PIK3C2G: variants seen among roughly 807,000 people sequenced by gnomAD.
PIK3C2G encodes phosphatidylinositol 3-kinase C2 domain-containing subunit gamma.
In PIK3C2G, 168 loss-of-function variants were observed where a neutral mutation model predicts 181.1. The ratio of observed to expected loss-of-function variants is 0.93; its 90% confidence interval spans 0.82 to 1.05. The LOEUF is 1.05. Ranked by LOEUF, PIK3C2G falls within the 50% of genes least tolerant of loss-of-function variation. The pLI is 0.00. For synonymous variants in PIK3C2G, 573 were observed against 592.2 expected (o/e 0.97, Z 0.47); for missense variants, 1,869 against 1,732.8 (o/e 1.08, Z -1.40).
chr12:18,455,935 A>G (rs912939320), intron 18 of PIK3C2G, among the ~76,000 whole-genome samples: 45 of 152,220 alleles, frequency 3.0e-4, no homozygotes, highest in African/African-American at 9.9e-4. Flanking sequence ...GCCTCCACTC[A>G]TAATCTGTCA....
intron 18 of PIK3C2G, among the ~76,000 whole-genome samples, chr12:18,485,265 C>T (rs1245910384): frequency 6.6e-6 from 1 of 152,138 alleles, no homozygotes; most frequent in African/African-American, 2.4e-5. Flanking sequence ...TTTCCTGTGG[C>T]TCTAGCAAGT....
intron 16 of PIK3C2G, among the ~76,000 whole-genome samples, chr12:18,408,270 C>T (rs1179409454): frequency 6.6e-6 from 1 of 152,088 alleles, no homozygotes; most frequent in African/African-American, 2.4e-5. Flanking sequence ...CCAGTTTTAG[C>T]TTTCTGGATA....
chr12:18,557,551 T>G (rs914431820), intron 26 of PIK3C2G, among the ~76,000 whole-genome samples: 1 of 152,064 alleles, frequency 6.6e-6, no homozygotes, highest in African/African-American at 2.4e-5. Flanking sequence ...CAGTAAACAT[T>G]GAAAGTTTTT....
chr12:18,558,072 G>A (rs977324100), intron 26 of PIK3C2G, among the ~76,000 whole-genome samples: 3 of 152,000 alleles, frequency 2.0e-5, no homozygotes, highest in Non-Finnish European at 4.4e-5. Context: ...AAGAAAATGA[G>A]GTAAAATAAT....
chr12:18,305,233 C>T (rs2137329502), intron 5 of PIK3C2G, among the ~76,000 whole-genome samples: 1 of 152,194 alleles, frequency 6.6e-6, no homozygotes, highest in East Asian at 1.9e-4. Context: ...CTGTATATAC[C>T]TTCACTTGAG....
intron 30 of PIK3C2G, among the ~76,000 whole-genome samples, chr12:18,600,559 T>C (rs551825508): frequency 6.6e-6 from 1 of 152,130 alleles, no homozygotes; most frequent in Admixed American, 6.5e-5. Context: ...AATGAGTCAC[T>C]ATCTAACCTA....
downstream of PIK3C2G, among the ~76,000 whole-genome samples, chr12:18,650,345 ATATGTGTGTGTG>A (rs1399336188): frequency 3.0e-4 from 38 of 127,730 alleles, 1 homozygote; most frequent in African/African-American, 1.1e-3. Context: ...ATATATATAT[ATATGTGTGTGTG>A]TGTGTGTGTG....
intron 16 of PIK3C2G, among the ~76,000 whole-genome samples, chr12:18,403,879 C>T (rs1457945268): frequency 6.6e-6 from 1 of 152,028 alleles, no homozygotes; most frequent in Non-Finnish European, 1.5e-5. Flanking sequence ...ACCCTCATTC[C>T]CAGGCACAAC....
At chr12:18,650,700 G>A (rs865959996), downstream of PIK3C2G, among the ~76,000 whole-genome samples, 121 of 43,780 alleles carry the variant, frequency 2.8e-3, 4 homozygotes, top group African/African-American at 7.6e-3. Flanking sequence ...GTGTGTGTGT[G>A]TGTGTATATA....
chr12:18,328,263 T>C (rs1951434511), intron 8 of PIK3C2G, among the ~76,000 whole-genome samples: 1 of 151,892 alleles, frequency 6.6e-6, no homozygotes, highest in African/African-American at 2.4e-5. Context: ...CTATACCAAG[T>C]AGATAACCAG....
At chr12:18,387,908 C>T (rs1031594826) in intron 14 of PIK3C2G, among the ~76,000 whole-genome samples, 1 of 152,176 alleles carries the variant, frequency 6.6e-6, no homozygotes, top group Non-Finnish European at 1.5e-5. Context: ...AACCTGAATA[C>T]CAAAATGTTT....
chr12:18,277,563 T>A lies in PIK3C2G; in HGVS notation c.-78-4441T>A, dbSNP rs556765754. Among the ~76,000 whole-genome samples, 4 of 152,334 alleles carry A rather than the reference T, an allele frequency of 2.6e-5. No homozygotes were observed. In the South Asian group the frequency reaches 8.3e-4, roughly 32 times the overall value. On this transcript the variant is annotated intron_variant, in intron 1 of 32. Coordinates refer to ENST00000538779, the MANE Select transcript of PIK3C2G (RefSeq NM_001288772.2). The stretch of plus-strand genomic sequence containing the variant: ...TAAAATTTGTTATCTGAAATAAAGA[T>A]CATTTTTATTTAGTCCCATAATTTA...
At chr12:18,405,964 G>A (rs1325534856) in intron 16 of PIK3C2G, among the ~76,000 whole-genome samples, 3 of 152,034 alleles carry the variant, frequency 2.0e-5, no homozygotes, top group African/African-American at 7.2e-5. Context: ...CAGTGCAATA[G>A]ATCACAGAAA....
intron 18 of PIK3C2G, among the ~76,000 whole-genome samples, chr12:18,437,631 C>A (rs912506960): frequency 2.0e-5 from 3 of 151,826 alleles, no homozygotes; most frequent in Non-Finnish European, 2.9e-5. Flanking sequence ...GGCACTAGGC[C>A]CATATGTTCC....
chr12:18,694,796 A>T, the PIK3C2G span: 1 of 877,606 alleles, frequency 1.1e-6, no homozygotes, highest in Non-Finnish European at 1.7e-6. Context: ...ACCTGAAAAG[A>T]TTAACAGAAA....
chr12:18,545,394 C>T (rs80280060), intron 25 of PIK3C2G, among the ~76,000 whole-genome samples: 312 of 151,924 alleles, frequency 2.1e-3, no homozygotes, highest in Non-Finnish European at 3.6e-3. Flanking sequence ...TCACTTTACC[C>T]TTTGTTTTAA....
intron 12 of PIK3C2G, 60 bp downstream of exon 12, chr12:18,362,946 C>T: frequency 7.6e-7 from 1 of 1,320,754 alleles, no homozygotes; most frequent in Non-Finnish European, 9.9e-7. Context: ...CTTTTTCCCC[C>T]TTTTTTTAAA....
chr12:18,528,612 A>G (rs535642502), intron 24 of PIK3C2G, among the ~76,000 whole-genome samples: 20 of 152,352 alleles, frequency 1.3e-4, no homozygotes, highest in Admixed American at 1.2e-3. Context: ...AAACTAAACT[A>G]TAAGAGGAAG....
At chr12:18,612,957 G>A (rs1948417282) in intron 31 of PIK3C2G, among the ~76,000 whole-genome samples, 1 of 152,016 alleles carries the variant, frequency 6.6e-6, no homozygotes, top group African/African-American at 2.4e-5. Flanking sequence ...ATTCACTCTA[G>A]CACACAGAGA....
Sources: gnomAD v4.1 joint callset for allele counts (sites outside exome capture counted in the v4.1 genomes callset) on GRCh38, gnomAD v4.1.1 for gene constraint, MANE v1.5 for transcripts, NCBI Gene and HGNC (gene_info 2026-07-23, HGNC 2026-07-21) for gene names.